PACC1: variants seen among roughly 807,000 people sequenced by gnomAD.
PACC1 encodes proton-activated chloride channel.
A neutral mutation model predicts 39.7 loss-of-function variants in PACC1; 34 were observed. That is an observed-to-expected ratio of 0.86 (90% confidence interval 0.65 to 1.14). PACC1 has a LOEUF of 1.14. Ranked by LOEUF, PACC1 falls within the 50% of genes most tolerant of loss-of-function variation. PACC1 has a pLI of 0.00. For missense variants in PACC1, 379 were observed against 436.4 expected (o/e 0.87, Z 1.17); for synonymous variants, 127 against 160.6 (o/e 0.79, Z 1.58).
intron 1 of PACC1, chr1:212,414,213 G>T: frequency 2.0e-6 from 2 of 992,888 alleles, no homozygotes; most frequent in Non-Finnish European, 2.8e-6. Context: ...AAAGTTAGGT[G>T]GTCACCAAAA....
chr1:212,410,825 T>A (rs1221264052), intron 1 of PACC1, among the ~76,000 whole-genome samples: 1 of 152,208 alleles, frequency 6.6e-6, no homozygotes, highest in Non-Finnish European at 1.5e-5. Flanking sequence ...GTTGGCAGGG[T>A]TGGCTCCTTC....
intron 2 of PACC1, among the ~76,000 whole-genome samples, chr1:212,406,136 A>C (rs966823011): frequency 6.7e-6 from 1 of 150,330 alleles, no homozygotes; most frequent in Admixed American, 6.6e-5. Context: ...AAAAAGCCCT[A>C]AAGCCCTACA....
intron 2 of PACC1, among the ~76,000 whole-genome samples, chr1:212,391,707 G>A (rs1444537409): frequency 6.6e-6 from 1 of 152,078 alleles, no homozygotes; most frequent in African/African-American, 2.4e-5. Context: ...AAGATTAGAC[G>A]AATGGCTAAC....
intron 7 of PACC1, among the ~76,000 whole-genome samples, chr1:212,366,670 C>G (rs1240132310): frequency 1.3e-5 from 2 of 152,196 alleles, no homozygotes; most frequent in African/African-American, 4.8e-5. Flanking sequence ...CTGAGTAAAG[C>G]ATGCCTCGGG....
chr1:212,383,607 G>A (rs1663935975), intron 4 of PACC1, among the ~76,000 whole-genome samples: 1 of 152,150 alleles, frequency 6.6e-6, no homozygotes, highest in Non-Finnish European at 1.5e-5. Flanking sequence ...CAAATGTCTG[G>A]TGACCATTAA....
At chr1:212,391,489 G>GA (rs1476688558) in intron 2 of PACC1, among the ~76,000 whole-genome samples, 1 of 152,054 alleles carries the variant, frequency 6.6e-6, no homozygotes, top group Non-Finnish European at 1.5e-5. Context: ...CAAAGATGGG[G>GA]AAAAAAACAG....
chr1:212,411,595 G>A (rs879451801), intron 1 of PACC1, among the ~76,000 whole-genome samples: 2 of 152,142 alleles, frequency 1.3e-5, no homozygotes, highest in Non-Finnish European at 1.5e-5. Flanking sequence ...CAAGACCAGA[G>A]CTTAGAAGAG....
chr1:212,373,734 A>G (rs1031964578), intron 7 of PACC1, among the ~76,000 whole-genome samples: 1 of 152,214 alleles, frequency 6.6e-6, no homozygotes, highest in Non-Finnish European at 1.5e-5. Context: ...TCAAATGGCC[A>G]AAAGGCATAT....
chr1:212,389,977 A>C (rs1201875867), intron 2 of PACC1, among the ~76,000 whole-genome samples: 1 of 152,240 alleles, frequency 6.6e-6, no homozygotes, highest in Non-Finnish European at 1.5e-5. Flanking sequence ...AAGATGGCAG[A>C]GAAAGAGTTT....
chr1:212,369,950 G>T (rs1316437594), intron 7 of PACC1, among the ~76,000 whole-genome samples: 1 of 152,052 alleles, frequency 6.6e-6, no homozygotes, highest in African/African-American at 2.4e-5. Context: ...TCAACAAGAA[G>T]ATACAACAAC....
At chr1:212,394,779 T>C (rs1661450630) in intron 2 of PACC1, among the ~76,000 whole-genome samples, 1 of 152,148 alleles carries the variant, frequency 6.6e-6, no homozygotes, top group South Asian at 2.1e-4. Context: ...ACAAGCATTC[T>C]TATACACCAA....
chr1:212,371,241 CAAAAAAA>C (rs1189603478), intron 7 of PACC1, among the ~76,000 whole-genome samples: 3 of 88,804 alleles, frequency 3.4e-5, no homozygotes, highest in African/African-American at 5.0e-5. Context: ...GACTCCATTT[CAAAAAAA>C]AAAAAAAAAA....
At chr1:212,387,164 G>A in intron 2 of PACC1, 64 bp from the exon 3 acceptor site, 2 of 1,545,344 alleles carry the variant, frequency 1.3e-6, no homozygotes, top group Non-Finnish European at 1.8e-6. Flanking sequence ...GAGATGGCCA[G>A]CAACCTCCAG....
intron 2 of PACC1, among the ~76,000 whole-genome samples, chr1:212,400,780 C>A (rs541570209): frequency 6.6e-6 from 1 of 152,258 alleles, no homozygotes; most frequent in South Asian, 2.1e-4. Context: ...AAATAATGCA[C>A]AAGATGTTCC....
chr1:212,414,197 T>A, intron 1 of PACC1: 1 of 1,149,556 alleles, frequency 8.7e-7, no homozygotes, highest in South Asian at 1.8e-5. Flanking sequence ...ATGAAGGCAC[T>A]TTTTCAAAGT....
intron 2 of PACC1, among the ~76,000 whole-genome samples, chr1:212,396,539 A>G (rs1023104518): frequency 2.0e-5 from 3 of 152,062 alleles, no homozygotes; most frequent in Admixed American, 2.0e-4. Context: ...TACATATGTA[A>G]CAAACCTGCA....
chr1:212,401,901 C>A (rs1158127537), intron 2 of PACC1, among the ~76,000 whole-genome samples: 2 of 152,118 alleles, frequency 1.3e-5, no homozygotes, highest in African/African-American at 4.8e-5. Flanking sequence ...TCTTGAACTC[C>A]TGACCTCAAG....
At chr1:212,372,828 T>C (rs887268137) in intron 7 of PACC1, among the ~76,000 whole-genome samples, 2 of 152,040 alleles carry the variant, frequency 1.3e-5, no homozygotes, top group South Asian at 4.2e-4. Context: ...ATCGCTATAA[T>C]GAAAACTGTA....
chr1:212,384,564 C>A (rs771319029), intron 4 of PACC1, among the ~76,000 whole-genome samples: 10 of 152,236 alleles, frequency 6.6e-5, no homozygotes, highest in Non-Finnish European at 5.9e-5. Flanking sequence ...GCCTAGAAAA[C>A]CTTTCCTTCC....
Sources: gnomAD v4.1 joint callset for allele counts (sites outside exome capture counted in the v4.1 genomes callset) on GRCh38, gnomAD v4.1.1 for gene constraint, MANE v1.5 for transcripts, NCBI Gene and HGNC (gene_info 2026-07-23, HGNC 2026-07-21) for gene names.